The following ACTR6 variants were observed in gnomAD, a reference collection of about 807,000 sequenced individuals.
ACTR6 encodes the protein actin-related protein 6.
A neutral mutation model predicts 52.5 loss-of-function variants in ACTR6; 50 were observed. The ratio of observed to expected loss-of-function variants is 0.95; its 90% confidence interval spans 0.76 to 1.20. ACTR6 has a LOEUF of 1.20. Ranked by LOEUF, ACTR6 falls within the 50% of genes most tolerant of loss-of-function variation. The pLI is 0.00. For synonymous variants in ACTR6, 135 were observed against 147.2 expected (o/e 0.92, Z 0.60); for missense variants, 344 against 472.4 (o/e 0.73, Z 2.52).
chr12:100,206,014 C>A (rs1365455220), intron 3 of ACTR6, among the ~76,000 whole-genome samples: 1 of 152,076 alleles, frequency 6.6e-6, no homozygotes, highest in African/African-American at 2.4e-5. Context: ...GCTTACATAT[C>A]TAAATACATG....
chr12:100,201,016 C>G (rs1389448085), intron 1 of ACTR6, 97 bp downstream of exon 1: 1 of 1,596,204 alleles, frequency 6.3e-7, no homozygotes, highest in Non-Finnish European at 8.5e-7. Flanking sequence ...CAGACACCCC[C>G]GCGCGGCCCT....
At chr12:100,204,877 G>A (rs1259697989) in intron 1 of ACTR6, 63 bp from the exon 2 acceptor site, 16 of 1,027,906 alleles carry the variant, frequency 1.6e-5, no homozygotes, top group Non-Finnish European at 2.4e-5. Flanking sequence ...GAGTGGTGGT[G>A]AAGTAAAAAT....
At position 100,218,117 on chromosome 12, in the gene ACTR6, G is replaced by A. The variant is rs973292592; in HGVS notation, c.751-298G>A. Among the ~76,000 whole-genome samples, 1 of 152,112 alleles carries A rather than the reference G, an allele frequency of 6.6e-6. No individual in the cohort carries two copies. The highest frequency in any genetic ancestry group is 2.4e-5 in the African/African-American group (1 of 41,420). ...GACCTCCCAAAGTGCTGGGATTACAGGTGTGAGCCAGGGCACCTGGCCCTC... is the reference window on the plus strand; with the variant it reads ...GACCTCCCAAAGTGCTGGGATTACAAGTGTGAGCCAGGGCACCTGGCCCTC... On this transcript the variant is annotated intron_variant, in intron 8 of 10. Transcript: ENST00000188312. The surrounding 1 kb of genome is among the most constrained non-coding windows in gnomAD (Gnocchi z 4.2).
At chr12:100,221,935 G>T (rs2096128637) in intron 10 of ACTR6, 1 of 151,894 alleles carries the variant, frequency 6.6e-6, no homozygotes, top group African/African-American at 2.4e-5. Flanking sequence ...TGTTTTGGGG[G>T]GTTTTTAAAA....
At chr12:100,211,041 G>T (rs1008288949) in intron 6 of ACTR6, among the ~76,000 whole-genome samples, 1 of 151,944 alleles carries the variant, frequency 6.6e-6, no homozygotes, top group Non-Finnish European at 1.5e-5. Flanking sequence ...GTTATTTGAG[G>T]CAGGGTCTCA....
rs2096118772 is a variant in ACTR6 at position 100,210,295 on chromosome 12, G to C, written c.516G>C (p.Arg172=). 3 of 1,613,814 alleles carry C rather than the reference G, an allele frequency of 1.9e-6. No individual in the cohort carries two copies. In the African/African-American group the frequency reaches 4.0e-5, roughly 22 times the overall value. Residue 172 remains arginine (R), a splice_region_variant and synonymous_variant, in exon 6 of 11, where the codon CGG becomes CGC. Coordinates refer to ENST00000188312, the MANE Select transcript of ACTR6 (RefSeq NM_022496.5). ...RSKKKKEAII[R]INVGGKLLTN... ...TTAAATTTGAGTTCTCCCCTTGCAG[G>C]ATAAATGTGGGAGGAAAACTCTTAA...
chr12:100,209,225 T>C (rs1455751440), intron 4 of ACTR6, among the ~76,000 whole-genome samples: 5 of 152,176 alleles, frequency 3.3e-5, no homozygotes, highest in African/African-American at 7.2e-5. Flanking sequence ...AGCAGCAGTA[T>C]GGGCAGTGGT....
intron 4 of ACTR6, 100 bp from the exon 5 acceptor site, chr12:100,209,973 G>A: frequency 1.0e-6 from 1 of 982,980 alleles, no homozygotes; most frequent in Non-Finnish European, 1.5e-6. Context: ...TGTAATAAAG[G>A]GAACATTTTT....
rs770961782 is a variant in ACTR6 at position 100,220,004 on chromosome 12, AAAGAAATGCAGCCGCAT to A, written c.923-3_936del. Reference sequence around the variant, plus strand: ...CCTTTCCTTCTCCTTTTCTTCTTTTAAAGAAATGCAGCCGCATTTTTTTAAGAACATTGTCTTGACAG... The same window carrying A: ...CCTTTCCTTCTCCTTTTCTTCTTTTATTTTTTAAGAACATTGTCTTGACAG... On this transcript the variant is annotated splice_acceptor_variant and splice_polypyrimidine_tract_variant and coding_sequence_variant and intron_variant, in exon 10 of 11. Coordinates refer to ENST00000188312, the MANE Select transcript of ACTR6 (RefSeq NM_022496.5). LOFTEE classifies it high-confidence loss of function. The A allele has an allele frequency of 3.7e-6, 6 of 1,611,088 alleles. No individual in the cohort carries two copies. Among genetic ancestry groups the A allele is most frequent in the Non-Finnish European group, 4.2e-6 (5 of 1,179,046 alleles).
chr12:100,202,485 A>AT (rs765939583), intron 1 of ACTR6, among the ~76,000 whole-genome samples: 1 of 152,032 alleles, frequency 6.6e-6, no homozygotes, highest in African/African-American at 2.4e-5. Flanking sequence ...GGTGTAAAAC[A>AT]TTTTTTTACA....
intron 4 of ACTR6, chr12:100,208,022 A>G (rs1252220798): frequency 8.5e-6 from 3 of 351,446 alleles, no homozygotes; most frequent in Admixed American, 4.2e-5. Flanking sequence ...TTAGTTGGGC[A>G]TGGTGACACG....
chr12:100,205,000 C>T lies in ACTR6; in HGVS notation c.129C>T (p.Asn43=). Residue 43 remains asparagine (N), a synonymous_variant, in exon 2 of 11, where the codon AAC becomes AAT. Coordinates refer to ENST00000188312, the MANE Select transcript of ACTR6 (RefSeq NM_022496.5). ...CACGTCTTAAAACTTTTACTGCCAA[C>T]CAGATAGATGAAATAAAAGACCCTT... ...KTARLKTFTA[N]QIDEIKDPSG... 1 of 1,612,758 alleles carries T rather than the reference C, an allele frequency of 6.2e-7. No homozygotes were observed. Among genetic ancestry groups the T allele is most frequent in the South Asian group, 1.1e-5 (1 of 90,866 alleles).
intron 10 of ACTR6, 91 bp downstream of exon 10, chr12:100,220,237 C>A: frequency 7.7e-7 from 1 of 1,295,426 alleles, no homozygotes; most frequent in Non-Finnish European, 1.1e-6. Context: ...GGCTCTCCCA[C>A]GGTGGCAGGT....
intron 9 of ACTR6, among the ~76,000 whole-genome samples, chr12:100,219,172 A>AG (rs1323375828): frequency 6.6e-6 from 1 of 151,410 alleles, no homozygotes; most frequent in African/African-American, 2.4e-5. Context: ...AAAAAAAAAA[A>AG]AAAAAAAGAA....
At chr12:100,205,817 T>C in intron 3 of ACTR6, 73 bp downstream of exon 3, 1 of 856,136 alleles carries the variant, frequency 1.2e-6, no homozygotes, top group Non-Finnish European at 1.7e-6. Context: ...ATTTACATTT[T>C]AAGATTTATA....
chr12:100,214,298 G>C (rs748956087), intron 8 of ACTR6, among the ~76,000 whole-genome samples: 1 of 152,088 alleles, frequency 6.6e-6, no homozygotes, highest in African/African-American at 2.4e-5. Flanking sequence ...GAATACATGG[G>C]TTTTATATAA....
rs2096125327 is a variant in ACTR6, at chr12:100,218,165, A to G, written c.751-250A>G. On this transcript the variant is annotated intron_variant, in intron 8 of 10. Coordinates refer to ENST00000188312, the MANE Select transcript of ACTR6 (RefSeq NM_022496.5). This position sits in a 1 kb window ranked among gnomAD's most constrained non-coding sequence, Gnocchi z 4.2. ...CTCTTTGTATTTTAAAGTGTGTGGA[A>G]TAAAGCTGCCAAATTATCTTTGAAG... 6.6e-6 allele frequency among the ~76,000 whole-genome samples: 1 copy of G among 152,108 alleles called. No individual in the cohort carries two copies. Among genetic ancestry groups the G allele is most frequent in the South Asian group, 2.1e-4 (1 of 4,828 alleles).
chr12:100,212,024 GT>G (rs2096120261), intron 6 of ACTR6, among the ~76,000 whole-genome samples: 1 of 152,090 alleles, frequency 6.6e-6, no homozygotes, highest in South Asian at 2.1e-4. Context: ...TAACATCTTT[GT>G]TTTCAGTTTC....
At chr12:100,222,716 A>G (rs1031365177) in intron 10 of ACTR6, among the ~76,000 whole-genome samples, 6 of 152,190 alleles carry the variant, frequency 3.9e-5, no homozygotes, top group Non-Finnish European at 7.4e-5. Flanking sequence ...ATATTGATTT[A>G]ACATTTTTCT....
Sources: allele counts gnomAD v4.1 joint callset (sites outside exome capture counted in the v4.1 genomes callset), GRCh38; gene constraint gnomAD v4.1.1; non-coding constraint Gnocchi (gnomAD v3.1); transcripts MANE v1.5; gene names NCBI Gene and HGNC (gene_info 2026-07-23, HGNC 2026-07-21).